The following LRRC4C variants were observed in gnomAD, a reference collection of about 807,000 sequenced individuals.
LRRC4C encodes leucine-rich repeat-containing protein 4C.
A neutral mutation model predicts 33.6 loss-of-function variants in LRRC4C; 5 were observed. The observed-to-expected ratio is 0.15, with a 90% CI of 0.08 to 0.31. LRRC4C has a LOEUF of 0.31. LRRC4C is among the 10% of genes least tolerant of loss of function. The pLI, the probability that LRRC4C is intolerant of heterozygous loss-of-function variation, is 1.00. For synonymous variants in LRRC4C, 329 were observed against 302.0 expected (o/e 1.09, Z -0.93); for missense variants, 560 against 796.7 (o/e 0.70, Z 3.58).
intron 1 of LRRC4C, among the ~76,000 whole-genome samples, chr11:41,369,225 T>C (rs200013338): frequency 6.6e-6 from 1 of 152,140 alleles, no homozygotes; most frequent in East Asian, 1.9e-4. Flanking sequence ...ATGTAGAAGT[T>C]TTAGAGTTTT....
rs535236171 is a variant in LRRC4C at position 40,935,550 on chromosome 11, A to G, written c.-495-1827T>C. On this transcript the variant is annotated intron_variant, in intron 1 of 6. Transcript: ENST00000528697. Reference sequence around the variant, plus strand: ...ACTTAGCATTGTGTTATAACTTCCTATAATATTTCAGTACAGTAACATGGT... The same window carrying G: ...ACTTAGCATTGTGTTATAACTTCCTGTAATATTTCAGTACAGTAACATGGT... Among the ~76,000 whole-genome samples the G allele has an allele frequency of 9.2e-5, 14 of 152,224 alleles. 1 individual carries two copies. The South Asian group carries it at 2.9e-3, about 32-fold the overall frequency.
intron 2 of LRRC4C, among the ~76,000 whole-genome samples, chr11:40,787,660 A>T (rs1950467867): frequency 6.6e-6 from 1 of 152,222 alleles, no homozygotes; most frequent in African/African-American, 2.4e-5. Context: ...ACAATCAGCC[A>T]TCTTGATTTA....
intron 3 of LRRC4C, among the ~76,000 whole-genome samples, chr11:40,462,932 T>A (rs2035985952): frequency 6.6e-6 from 1 of 151,958 alleles, no homozygotes; most frequent in African/African-American, 2.4e-5. Context: ...ATGAAGAAAA[T>A]GATGTGAGAA....
intron 1 of LRRC4C, among the ~76,000 whole-genome samples, chr11:41,170,329 G>T (rs1006020117): frequency 6.6e-6 from 1 of 152,124 alleles, no homozygotes; most frequent in Admixed American, 6.6e-5. Context: ...AAAGCTGGAG[G>T]CATCACGCTA....
intron 1 of LRRC4C, among the ~76,000 whole-genome samples, chr11:41,153,605 C>A (rs965663567): frequency 3.3e-5 from 5 of 152,142 alleles, no homozygotes; most frequent in African/African-American, 4.8e-5. Flanking sequence ...TTAACTAGCT[C>A]ACCATCATCA....
intron 6 of LRRC4C, among the ~76,000 whole-genome samples, chr11:40,119,246 A>T (rs186391526): frequency 6.6e-6 from 1 of 152,352 alleles, no homozygotes; most frequent in Admixed American, 6.5e-5. Context: ...ACTGTAAGGA[A>T]CGTTGGTCTT....
At chr11:41,038,589 A>G (rs1857236692) in intron 1 of LRRC4C, among the ~76,000 whole-genome samples, 2 of 152,186 alleles carry the variant, frequency 1.3e-5, no homozygotes, top group Admixed American at 1.3e-4. Context: ...TGTTCTAATG[A>G]CAGAGAATCA....
chr11:41,383,578 C>T (rs1023874805), intron 1 of LRRC4C, among the ~76,000 whole-genome samples: 37 of 151,830 alleles, frequency 2.4e-4, no homozygotes, highest in African/African-American at 9.0e-4. Context: ...ATAAAATCAA[C>T]ACTTGTATTA....
intron 1 of LRRC4C, among the ~76,000 whole-genome samples, chr11:41,280,087 G>C (rs991572933): frequency 6.6e-6 from 1 of 152,066 alleles, no homozygotes; most frequent in Non-Finnish European, 1.5e-5. Flanking sequence ...CCATCAGACT[G>C]TAAGCTCTGG....
At chr11:40,524,603 G>A (rs889332133) in intron 3 of LRRC4C, among the ~76,000 whole-genome samples, 3 of 152,066 alleles carry the variant, frequency 2.0e-5, no homozygotes, top group African/African-American at 7.2e-5. Flanking sequence ...TTAAAAAAAG[G>A]TGGTGAGGAA....
At chr11:40,785,627 T>C (rs538026345) in intron 2 of LRRC4C, among the ~76,000 whole-genome samples, 116 of 152,318 alleles carry the variant, frequency 7.6e-4, no homozygotes, top group African/African-American at 2.7e-3. Flanking sequence ...CACTGGAAGC[T>C]CCAACAGTAT....
intron 3 of LRRC4C, among the ~76,000 whole-genome samples, chr11:40,391,626 A>G (rs1052381136): frequency 6.6e-6 from 1 of 152,192 alleles, no homozygotes; most frequent in African/African-American, 2.4e-5. Context: ...CAGCCATTGC[A>G]CAGTATTTCC....
chr11:40,932,644 G>GT (rs1359627233), intron 2 of LRRC4C, among the ~76,000 whole-genome samples: 1 of 152,122 alleles, frequency 6.6e-6, no homozygotes, highest in African/African-American at 2.4e-5. Context: ...GGAAAATAGA[G>GT]TATAGGTAAA....
chr11:40,723,026 C>G (rs1947104832), intron 2 of LRRC4C, among the ~76,000 whole-genome samples: 1 of 151,956 alleles, frequency 6.6e-6, no homozygotes, highest in Admixed American at 6.6e-5. Context: ...AATAGTCCTT[C>G]AAATCAATCT....
chr11:40,439,750 C>T (rs1011065222), intron 3 of LRRC4C, among the ~76,000 whole-genome samples: 2 of 152,160 alleles, frequency 1.3e-5, no homozygotes, highest in Non-Finnish European at 2.9e-5. Flanking sequence ...CCGGGCCCGG[C>T]CCCTTTATTC....
chr11:41,432,127 G>A (rs1237231793), intron 1 of LRRC4C, among the ~76,000 whole-genome samples: 1 of 152,118 alleles, frequency 6.6e-6, no homozygotes, highest in Non-Finnish European at 1.5e-5. Context: ...AAACAAAGGA[G>A]ACAGTAGATA....
chr11:41,387,863 C>G (rs1046851273), intron 1 of LRRC4C, among the ~76,000 whole-genome samples: 3 of 151,796 alleles, frequency 2.0e-5, no homozygotes, highest in African/African-American at 2.4e-5. Context: ...TGGGATGTCA[C>G]TTTCCAGGGT....
At chr11:40,453,811 A>G (rs1393480729) in intron 3 of LRRC4C, among the ~76,000 whole-genome samples, 1 of 152,174 alleles carries the variant, frequency 6.6e-6, no homozygotes, top group Non-Finnish European at 1.5e-5. Flanking sequence ...GTGGGGTGAG[A>G]AATCACTGTA....
intron 2 of LRRC4C, among the ~76,000 whole-genome samples, chr11:40,904,894 C>T (rs1302088368): frequency 3.9e-5 from 6 of 152,244 alleles, no homozygotes; most frequent in Admixed American, 3.3e-4. Flanking sequence ...AGTCGATGTT[C>T]AAAGGATGAA....
Sources: allele counts gnomAD v4.1 joint callset (sites outside exome capture counted in the v4.1 genomes callset), GRCh38; gene constraint gnomAD v4.1.1; transcripts MANE v1.5; gene names NCBI Gene and HGNC (gene_info 2026-07-23, HGNC 2026-07-21).